Variants in RAB27B observed in about 807,000 individuals in gnomAD.
RAB27B encodes ras-related protein Rab-27B.
Under a neutral mutation model 24.6 loss-of-function variants are expected in RAB27B, and 15 were observed. The observed-to-expected ratio is 0.61, with a 90% CI of 0.41 to 0.94. The LOEUF is 0.94. Ranked by LOEUF, RAB27B falls within the 40% of genes least tolerant of loss-of-function variation. The pLI, the probability that RAB27B is intolerant of heterozygous loss-of-function variation, is 0.00. For synonymous variants in RAB27B, 105 were observed against 92.5 expected (o/e 1.14, Z -0.78); for missense variants, 261 against 266.8 (o/e 0.98, Z 0.15).
intron 2 of RAB27B, among the ~76,000 whole-genome samples, chr18:54,736,461 C>T (rs1417294729): frequency 6.6e-6 from 1 of 150,636 alleles, no homozygotes; most frequent in East Asian, 1.9e-4. Flanking sequence ...TTGTAAATTT[C>T]TTCATTTAGT....
chr18:54,833,234 C>CTTTTTTTTTTTTT (rs559070445), intron 1 of RAB27B, among the ~76,000 whole-genome samples: 11 of 129,514 alleles, frequency 8.5e-5, no homozygotes, highest in East Asian at 4.4e-4. Context: ...TTCTTTCTTT[C>CTTTTTTTTTTTTT]TTTTTTTTTT....
intron 2 of RAB27B, among the ~76,000 whole-genome samples, chr18:54,771,725 C>G (rs1908558011): frequency 6.6e-6 from 1 of 151,780 alleles, no homozygotes; most frequent in Non-Finnish European, 1.5e-5. Flanking sequence ...CATTTGACTT[C>G]ATGAGTGGCA....
chr18:54,823,128 G>C (rs1407221651), intron 2 of RAB27B, among the ~76,000 whole-genome samples: 2 of 152,198 alleles, frequency 1.3e-5, no homozygotes, highest in Non-Finnish European at 2.9e-5. Flanking sequence ...CACATTTAAA[G>C]TAATTTGCCA....
chr18:54,781,535 A>G (rs929219446), intron 2 of RAB27B, among the ~76,000 whole-genome samples: 1 of 152,080 alleles, frequency 6.6e-6, no homozygotes, highest in African/African-American at 2.4e-5. Context: ...ATAACTTGAT[A>G]CTTGCACAGA....
chr18:54,728,704 G>GT (rs1245154618), intron 2 of RAB27B, among the ~76,000 whole-genome samples: 1 of 151,420 alleles, frequency 6.6e-6, no homozygotes, highest in Admixed American at 6.6e-5. Context: ...GCAAAATCCT[G>GT]TCTCTATCAA....
chr18:54,875,392 T>C (rs1912652741), intron 1 of RAB27B, among the ~76,000 whole-genome samples: 1 of 152,158 alleles, frequency 6.6e-6, no homozygotes, highest in South Asian at 2.1e-4. Context: ...TCACACAAAA[T>C]AGACATTTTC....
intron 2 of RAB27B, among the ~76,000 whole-genome samples, chr18:54,736,386 A>G (rs1182422317): frequency 6.6e-6 from 1 of 152,148 alleles, no homozygotes; most frequent in East Asian, 1.9e-4. Context: ...TATAATAAAG[A>G]ACTACTTTAC....
Position 54,890,256 on chromosome 18 carries a change from G to A in RAB27B, c.*843G>A, listed in dbSNP as rs1913317013. The A allele has an allele frequency of 6.6e-6, 1 of 152,062 alleles. No individual in the cohort carries two copies. The highest frequency in any genetic ancestry group is 6.6e-5 in the Admixed American group (1 of 15,254). The allele number at this position is 152,062 out of a possible 1,614,324, so 9.4% of individuals were successfully genotyped here. On this transcript the variant is annotated 3_prime_UTR_variant, in exon 6 of 6. Transcript: ENST00000262094. ...CAGTTGGAATTAAGAGAACTCCAGAGGTTTCCATTTCAAACAAAATTTTAG... is the reference window on the plus strand; with the variant it reads ...CAGTTGGAATTAAGAGAACTCCAGAAGTTTCCATTTCAAACAAAATTTTAG...
chr18:54,801,084 C>T (rs530302297), intron 2 of RAB27B, among the ~76,000 whole-genome samples: 1 of 137,304 alleles, frequency 7.3e-6, no homozygotes, highest in African/African-American at 2.7e-5. Context: ...ATGATCTAGG[C>T]TCACTGCAAC....
intron 1 of RAB27B, among the ~76,000 whole-genome samples, chr18:54,856,012 G>A (rs190087122): frequency 3.3e-5 from 5 of 152,302 alleles, no homozygotes; most frequent in South Asian, 4.1e-4. Flanking sequence ...AACACAAGAC[G>A]TGCAAAGCTT....
At chr18:54,831,168 A>G (rs1336114888) in intron 1 of RAB27B, among the ~76,000 whole-genome samples, 1 of 152,222 alleles carries the variant, frequency 6.6e-6, no homozygotes, top group African/African-American at 2.4e-5. Context: ...GGCCGGTGTC[A>G]GGGAGGACTG....
At chr18:54,860,066 T>C (rs1186922446) in intron 1 of RAB27B, among the ~76,000 whole-genome samples, 1 of 152,296 alleles carries the variant, frequency 6.6e-6, no homozygotes, top group Non-Finnish European at 1.5e-5. Context: ...TGTTTTGTGT[T>C]TTTGTTACAT....
chr18:54,767,957 A>G (rs547399151), intron 2 of RAB27B, among the ~76,000 whole-genome samples: 2 of 152,296 alleles, frequency 1.3e-5, no homozygotes, highest in South Asian at 4.1e-4. Flanking sequence ...GATCAGGGAT[A>G]TAGTAATAAA....
In RAB27B at chr18:54,892,533, T is replaced by G. The variant is rs1456798954; in HGVS notation, c.*3120T>G. 1 of 151,988 alleles carries G rather than the reference T, an allele frequency of 6.6e-6. No homozygotes were observed. The highest frequency in any genetic ancestry group is 2.4e-5 in the African/African-American group (1 of 41,400). 9.4% of individuals were successfully genotyped at this position (151,988 alleles called of 1,614,324 possible). ...TTAGGTACAAGCTTACCTTTTAGGG[T>G]AGAAAAAGAAAGATCATTTGAAAAA... On this transcript the variant is annotated 3_prime_UTR_variant, in exon 6 of 6. Coordinates refer to ENST00000262094, the MANE Select transcript of RAB27B (RefSeq NM_004163.4).
chr18:54,724,429 A>C lies in RAB27B; in HGVS notation c.-20+6288A>C, dbSNP rs1909464094. 1.3e-5 allele frequency among the ~76,000 whole-genome samples: 2 copies of C among 151,536 alleles called. 1 individual carries two copies. Among genetic ancestry groups the C allele is most frequent in the Non-Finnish European group, 3.0e-5 (2 of 67,784 alleles). ...GAACATGGGAGGTGACAGCCCAATA[A>C]TACCGTATTACTGGCTGGGTGCCGT... On this transcript the variant is annotated intron_variant, in intron 2 of 4. Transcript: ENST00000586570.
chr18:54,883,977 A>G (rs1913028070), intron 3 of RAB27B, among the ~76,000 whole-genome samples: 1 of 152,176 alleles, frequency 6.6e-6, no homozygotes, highest in South Asian at 2.1e-4. Context: ...TGGAAAGTAT[A>G]GGTTAAAGTC....
chr18:54,858,119 T>C (rs1044575187), intron 1 of RAB27B, among the ~76,000 whole-genome samples: 9 of 152,202 alleles, frequency 5.9e-5, no homozygotes, highest in African/African-American at 2.2e-4. Flanking sequence ...AACTAGTTGA[T>C]TAACTACCGA....
At chr18:54,768,868 G>A (rs12455147) in intron 2 of RAB27B, among the ~76,000 whole-genome samples, 8,246 of 152,168 alleles carry the variant, frequency 0.054, 287 homozygotes, top group South Asian at 0.085. Flanking sequence ...CTGCCCCCAT[G>A]ATCCAATTAA....
At chr18:54,872,210 A>AT (rs1359654693) in intron 1 of RAB27B, among the ~76,000 whole-genome samples, 1 of 152,110 alleles carries the variant, frequency 6.6e-6, no homozygotes, top group East Asian at 1.9e-4. Flanking sequence ...GCTAGCACAA[A>AT]TTTTACTTTC....
Sources: allele counts gnomAD v4.1 joint callset (sites outside exome capture counted in the v4.1 genomes callset), GRCh38; gene constraint gnomAD v4.1.1; transcripts MANE v1.5; gene names NCBI Gene and HGNC (gene_info 2026-07-23, HGNC 2026-07-21).